The following GFPT1 variants were observed in gnomAD, a reference collection of about 807,000 sequenced individuals.
The protein encoded by GFPT1 is glutamine--fructose-6-phosphate transaminase 1.
GFPT1 carries 40 observed loss-of-function variants against 92.0 expected under a neutral mutation model. The observed-to-expected ratio is 0.43, with a 90% CI of 0.34 to 0.57. The LOEUF (loss-of-function observed/expected upper bound fraction) is 0.57. Ranked by LOEUF, GFPT1 falls within the 20% of genes least tolerant of loss-of-function variation. The pLI is 0.02. For synonymous variants in GFPT1, 269 were observed against 280.6 expected, an observed-to-expected ratio of 0.96 and a Z score of 0.41; for missense variants, 448 against 869.1, an observed-to-expected ratio of 0.52 and a Z score of 6.09.
At chr2:69,330,488 T>C (rs1445025738) in intron 15 of GFPT1, among the ~76,000 whole-genome samples, 1 of 151,422 alleles carries the variant, frequency 6.6e-6, no homozygotes, top group East Asian at 2.0e-4. Flanking sequence ...TGCACTGGTA[T>C]TGCTGGATTT....
At chr2:69,360,713 G>A (rs866059115) in intron 4 of GFPT1, among the ~76,000 whole-genome samples, 8 of 151,978 alleles carry the variant, frequency 5.3e-5, no homozygotes, top group African/African-American at 1.9e-4. Flanking sequence ...TTACAGACAT[G>A]AGCCACTATG....
intron 15 of GFPT1, among the ~76,000 whole-genome samples, chr2:69,337,406 C>T (rs1468228740): frequency 1.3e-5 from 2 of 152,108 alleles, no homozygotes; most frequent in Non-Finnish European, 2.9e-5. Flanking sequence ...TCCTTACAAA[C>T]TTTCAGAGGT....
intron 1 of GFPT1, among the ~76,000 whole-genome samples, chr2:69,383,326 G>T (rs965441918): frequency 5.9e-5 from 9 of 152,088 alleles, no homozygotes; most frequent in African/African-American, 2.2e-4. Flanking sequence ...CTCATTACCA[G>T]AACCTATTAA....
chr2:69,329,914 CTATCTCTTAAAACTACGT>C (rs1670620102), intron 15 of GFPT1, 116 bp from the exon 16 acceptor site: 2 of 727,570 alleles, frequency 2.7e-6, no homozygotes, highest in Non-Finnish European at 5.1e-6. Context: ...TATATATTCT[CTATCTCTTAAAACTACGT>C]TAGGGCCAAG....
chr2:69,384,021 C>G (rs989886305), intron 1 of GFPT1, among the ~76,000 whole-genome samples: 1 of 152,080 alleles, frequency 6.6e-6, no homozygotes, highest in Non-Finnish European at 1.5e-5. Flanking sequence ...CTAGGGATAG[C>G]TTAAGTGACT....
At position 69,387,179 on chromosome 2, in the gene GFPT1, CCGA is replaced by C; in HGVS notation, c.-111_-109del. On this transcript the variant is annotated 5_prime_UTR_variant, in exon 1 of 20. Transcript: ENST00000357308. ...TGCGGGCTCGGGGGCCGGGGTGGCG[CCGA>C]CACGACTCCCTCGGGGATGCGACGG... The C allele has an allele frequency of 8.0e-7, 1 of 1,251,078 alleles. No individual in the cohort carries two copies. The highest frequency in any genetic ancestry group is 2.5e-5 in the Admixed American group (1 of 40,496). The allele number at this position is 1,251,078 out of a possible 1,614,324, so 77.5% of individuals were successfully genotyped here. A position where few individuals can be genotyped will look rare whatever the true frequency, so the allele number is the denominator to read the frequency against.
intron 15 of GFPT1, among the ~76,000 whole-genome samples, chr2:69,331,806 T>C (rs1021082794): frequency 2.0e-5 from 3 of 152,140 alleles, no homozygotes; most frequent in Non-Finnish European, 4.4e-5. Context: ...TAATCTGGCA[T>C]TCATTGTAGA....
chr2:69,321,272 G>C lies in GFPT1; in HGVS notation c.*4917C>G, dbSNP rs1435641545. On this transcript the variant is annotated 3_prime_UTR_variant, in exon 20 of 20. Coordinates refer to ENST00000357308, the MANE Select transcript of GFPT1 (RefSeq NM_001244710.2). ...TCTGTGGAGTTTGGTATCAGAAAGGGCAGAGCCTTTGTTTTATCTAACGAT... is the reference window on the plus strand; with the variant it reads ...TCTGTGGAGTTTGGTATCAGAAAGGCCAGAGCCTTTGTTTTATCTAACGAT... The C allele has an allele frequency of 6.6e-6, 1 of 152,196 alleles. No individual in the cohort carries two copies. The highest frequency in any genetic ancestry group is 1.5e-5 in the Non-Finnish European group (1 of 68,022). The allele number at this position is 152,196 out of a possible 1,614,324, so 9.4% of individuals were successfully genotyped here. A position where few individuals can be genotyped will look rare whatever the true frequency, so the allele number is the denominator to read the frequency against.
chr2:69,329,464 CAAAT>C (rs1670607639), intron 16 of GFPT1, 40 bp from the exon 17 acceptor site: 2 of 1,461,766 alleles, frequency 1.4e-6, no homozygotes, highest in South Asian at 1.2e-5. Context: ...ATAAACCAAA[CAAAT>C]AAAATAACAA....
intron 2 of GFPT1, among the ~76,000 whole-genome samples, chr2:69,371,061 T>C (rs926472512): frequency 4.6e-5 from 7 of 150,956 alleles, no homozygotes; most frequent in African/African-American, 1.5e-4. Context: ...ATTCAGCTTA[T>C]TTTTCTTTTC....
chr2:69,384,431 A>C (rs1672078396), intron 1 of GFPT1, among the ~76,000 whole-genome samples: 1 of 152,140 alleles, frequency 6.6e-6, no homozygotes, highest in South Asian at 2.1e-4. Context: ...GGCAAATTTA[A>C]CTAGGGCCGG....
intron 15 of GFPT1, among the ~76,000 whole-genome samples, chr2:69,331,578 C>T (rs1379251930): frequency 1.3e-5 from 2 of 151,966 alleles, no homozygotes; most frequent in Non-Finnish European, 2.9e-5. Flanking sequence ...TGTGATGTAA[C>T]AAGGGTTTTA....
intron 12 of GFPT1, among the ~76,000 whole-genome samples, chr2:69,343,232 A>G (rs1368761125): frequency 6.6e-6 from 1 of 152,224 alleles, no homozygotes; most frequent in Non-Finnish European, 1.5e-5. Context: ...CTGGTCAACT[A>G]AAATTCCCTA....
chr2:69,328,735 C>G (rs1413966990), intron 17 of GFPT1, among the ~76,000 whole-genome samples: 1 of 135,796 alleles, frequency 7.4e-6, no homozygotes, highest in Admixed American at 7.8e-5. Context: ...GAGTCTTCTT[C>G]GATCGCCCAG....
At chr2:69,363,732 C>T (rs1671537639) in intron 3 of GFPT1, 62 bp from the exon 4 acceptor site, 2 of 1,163,224 alleles carry the variant, frequency 1.7e-6, no homozygotes, top group South Asian at 1.2e-5. Context: ...ATGCTATAAG[C>T]TATATTTAAA....
chr2:69,376,651 T>C lies in GFPT1; in HGVS notation c.8-2538A>G, dbSNP rs190231300. ...AAAACAGAAGCCTGTCGAGGATTGTTTGCAGATTGTCCAGAGCTGCCAAAT... is the reference window on the plus strand; with the variant it reads ...AAAACAGAAGCCTGTCGAGGATTGTCTGCAGATTGTCCAGAGCTGCCAAAT... On this transcript the variant is annotated intron_variant, in intron 1 of 19. Coordinates refer to ENST00000357308, the MANE Select transcript of GFPT1 (RefSeq NM_001244710.2). Among the ~76,000 whole-genome samples the C allele has an allele frequency of 1.6e-3, 248 of 152,334 alleles. 1 individual carries two copies. The highest frequency in any genetic ancestry group is 0.015 in the Admixed American group (231 of 15,294).
chr2:69,369,257 G>T (rs1671686925), intron 3 of GFPT1, among the ~76,000 whole-genome samples: 1 of 151,710 alleles, frequency 6.6e-6, no homozygotes, highest in African/African-American at 2.4e-5. Context: ...AAAAAAAAAA[G>T]ACAAAATCCA....
At chr2:69,366,702 G>A (rs1266491593) in intron 3 of GFPT1, among the ~76,000 whole-genome samples, 1 of 152,034 alleles carries the variant, frequency 6.6e-6, no homozygotes, top group Non-Finnish European at 1.5e-5. Context: ...CCTCTCACCT[G>A]GTAATTATCT....
intron 1 of GFPT1, among the ~76,000 whole-genome samples, chr2:69,383,918 G>A (rs1050257664): frequency 2.0e-5 from 3 of 152,240 alleles, no homozygotes; most frequent in South Asian, 4.1e-4. Flanking sequence ...GTGAGCCACC[G>A]CGCCCATCCC....
Sources: gnomAD v4.1 joint callset for allele counts (sites outside exome capture counted in the v4.1 genomes callset) on GRCh38, gnomAD v4.1.1 for gene constraint, MANE v1.5 for transcripts, NCBI Gene and HGNC (gene_info 2026-07-23, HGNC 2026-07-21) for gene names.